Variants in NKAIN2 observed in about 807,000 individuals in gnomAD.
NKAIN2 encodes sodium/potassium transporting ATPase interacting 2.
Under a neutral mutation model 32.6 loss-of-function variants are expected in NKAIN2, and 14 were observed. The observed-to-expected ratio is 0.43, with a 90% CI of 0.28 to 0.67. The LOEUF is 0.67. Ranked by LOEUF, NKAIN2 falls within the 30% of genes least tolerant of loss-of-function variation. NKAIN2 has a pLI of 0.17. For synonymous variants in NKAIN2, 80 were observed against 87.2 expected (o/e 0.92, Z 0.46); for missense variants, 198 against 258.3 (o/e 0.77, Z 1.60).
intron 1 of NKAIN2, among the ~76,000 whole-genome samples, chr6:123,993,772 T>C (rs866600315): frequency 3.9e-5 from 6 of 152,198 alleles, no homozygotes; most frequent in African/African-American, 1.4e-4. Flanking sequence ...GTGCCTTCCC[T>C]CAGTTATACT....
chr6:123,893,846 G>T (rs916164301), intron 1 of NKAIN2, among the ~76,000 whole-genome samples: 2 of 152,144 alleles, frequency 1.3e-5, no homozygotes, highest in Non-Finnish European at 2.9e-5. Context: ...GGCCTATTTG[G>T]CCAGGGCCTC....
At chr6:124,706,807 C>T (rs1775098110) in intron 4 of NKAIN2, among the ~76,000 whole-genome samples, 1 of 152,052 alleles carries the variant, frequency 6.6e-6, no homozygotes, top group African/African-American at 2.4e-5. Flanking sequence ...AGACTGAATG[C>T]ATTAAAGGAT....
chr6:124,335,336 G>T (rs190715329), intron 2 of NKAIN2, among the ~76,000 whole-genome samples: 1 of 152,280 alleles, frequency 6.6e-6, no homozygotes, highest in African/African-American at 2.4e-5. Flanking sequence ...GAGAGAGATT[G>T]ATTGACCTGT....
chr6:124,687,178 CATATACAT>C lies in NKAIN2; in HGVS notation c.474+28803_474+28810del, dbSNP rs1384740423. Reference sequence around the variant, plus strand: ...ATATAAATATTCTCTATATATATTCCATATACATATATACATATGGAATGTATATATGT... The same window carrying C: ...ATATAAATATTCTCTATATATATTCCATATACATATGGAATGTATATATGT... On this transcript the variant is annotated intron_variant, in intron 4 of 6. Coordinates refer to ENST00000368417, the MANE Select transcript of NKAIN2 (RefSeq NM_001040214.3). 1.2e-4 allele frequency among the ~76,000 whole-genome samples: 18 copies of C among 145,330 alleles called. No individual in the cohort carries two copies. The Admixed American group carries it at 1.3e-3, about 10-fold the overall frequency.
chr6:124,476,095 T>TGTGTGTGC (rs1554213844), intron 3 of NKAIN2, among the ~76,000 whole-genome samples: 2 of 142,358 alleles, frequency 1.4e-5, no homozygotes, highest in African/African-American at 5.3e-5. Flanking sequence ...TGTGTGTGTG[T>TGTGTGTGC]GTGCGTGCGC....
intron 4 of NKAIN2, among the ~76,000 whole-genome samples, chr6:124,758,389 C>A (rs1335170261): frequency 2.0e-5 from 3 of 152,080 alleles, no homozygotes; most frequent in Non-Finnish European, 4.4e-5. Flanking sequence ...TGTGAGGGCA[C>A]AGAGAGAAGA....
At chr6:124,695,233 C>A (rs1774444055) in intron 4 of NKAIN2, among the ~76,000 whole-genome samples, 1 of 151,508 alleles carries the variant, frequency 6.6e-6, no homozygotes, top group East Asian at 1.9e-4. Flanking sequence ...CCTTGTGGTC[C>A]ATCAGGGATT....
intron 1 of NKAIN2, among the ~76,000 whole-genome samples, chr6:123,981,966 A>C (rs894274264): frequency 6.6e-6 from 1 of 152,192 alleles, no homozygotes; most frequent in Non-Finnish European, 1.5e-5. Flanking sequence ...TGTGAGGAGC[A>C]CTGCAATTTT....
intron 3 of NKAIN2, among the ~76,000 whole-genome samples, chr6:124,404,666 T>A (rs1425284539): frequency 6.6e-6 from 1 of 152,134 alleles, no homozygotes; most frequent in Non-Finnish European, 1.5e-5. Flanking sequence ...AATTAAAAAT[T>A]CTCAAAACAC....
intron 2 of NKAIN2, among the ~76,000 whole-genome samples, chr6:124,345,153 T>C (rs940401488): frequency 2.0e-5 from 3 of 152,200 alleles, no homozygotes; most frequent in Non-Finnish European, 2.9e-5. Flanking sequence ...TTGCGTGTAT[T>C]GAACCAGCCT....
At chr6:124,717,779 G>T (rs1403893578) in intron 4 of NKAIN2, among the ~76,000 whole-genome samples, 2 of 152,116 alleles carry the variant, frequency 1.3e-5, no homozygotes, top group East Asian at 3.9e-4. Context: ...TGAGTGAATT[G>T]TGTGTTCTGA....
chr6:124,547,675 C>G (rs924271156), intron 3 of NKAIN2, among the ~76,000 whole-genome samples: 1 of 152,078 alleles, frequency 6.6e-6, no homozygotes, highest in Non-Finnish European at 1.5e-5. Flanking sequence ...CATCAACTAC[C>G]CTGTTTAATG....
intron 3 of NKAIN2, among the ~76,000 whole-genome samples, chr6:124,649,586 A>T (rs1784293691): frequency 6.6e-6 from 1 of 152,210 alleles, no homozygotes; most frequent in African/African-American, 2.4e-5. Context: ...AGATAGAAGC[A>T]GAGACACTAA....
At chr6:124,414,686 A>G (rs1774379654) in intron 3 of NKAIN2, among the ~76,000 whole-genome samples, 1 of 152,132 alleles carries the variant, frequency 6.6e-6, no homozygotes, top group Non-Finnish European at 1.5e-5. Context: ...TTATAGATAT[A>G]GGTTTATTTG....
At chr6:123,993,618 A>G (rs997251470) in intron 1 of NKAIN2, among the ~76,000 whole-genome samples, 3 of 152,154 alleles carry the variant, frequency 2.0e-5, no homozygotes, top group African/African-American at 7.2e-5. Flanking sequence ...CCCAATAGTT[A>G]GTTATTTTGA....
chr6:124,157,511 G>C (rs150824843), intron 1 of NKAIN2, among the ~76,000 whole-genome samples: 2 of 152,148 alleles, frequency 1.3e-5, no homozygotes, highest in Non-Finnish European at 2.9e-5. Flanking sequence ...ATTGACCTGG[G>C]AGCCATTGTT....
chr6:124,686,292 G>T (rs1773875764), intron 4 of NKAIN2, among the ~76,000 whole-genome samples: 1 of 152,156 alleles, frequency 6.6e-6, no homozygotes, highest in Admixed American at 6.5e-5. Context: ...AAATACCTGA[G>T]GCTGGGTAAT....
intron 3 of NKAIN2, among the ~76,000 whole-genome samples, chr6:124,567,771 G>A (rs533472417): frequency 5.3e-5 from 8 of 152,304 alleles, no homozygotes; most frequent in African/African-American, 1.2e-4. Flanking sequence ...CAGGCCATAT[G>A]CAGTCTTTGC....
At chr6:124,400,930 T>TA in intron 3 of NKAIN2, among the ~76,000 whole-genome samples, 1 of 152,174 alleles carries the variant, frequency 6.6e-6, no homozygotes, top group South Asian at 2.1e-4. Flanking sequence ...TGCTAAATGT[T>TA]AGAGTTTTGC....
Sources: allele counts gnomAD v4.1 joint callset (sites outside exome capture counted in the v4.1 genomes callset), GRCh38; gene constraint gnomAD v4.1.1; transcripts MANE v1.5; gene names NCBI Gene and HGNC (gene_info 2026-07-23, HGNC 2026-07-21).